The following TPX2 variants were observed in gnomAD, a reference collection of about 807,000 sequenced individuals.
The protein encoded by TPX2 is TPX2 microtubule nucleation factor.
TPX2 carries 21 observed loss-of-function variants against 93.6 expected under a neutral mutation model. The observed-to-expected ratio is 0.22, with a 90% CI of 0.16 to 0.32. The LOEUF is 0.32. TPX2 is among the 10% of genes least tolerant of loss of function. The probability of loss-of-function intolerance (pLI) is 1.00; values close to 1 mark genes in which losing one functional copy is unlikely to be tolerated. For missense variants in TPX2, 776 were observed against 871.1 expected (o/e 0.89, Z 1.37); for synonymous variants, 281 against 298.3 (o/e 0.94, Z 0.60).
chr20:31,742,552 A>G lies in TPX2; in HGVS notation c.-166A>G, dbSNP rs1269692159. ...TCTGCTTCTTCCAGGTTCTTGATACATATTTGCCAGACTTCAAGATTTCAG... is the reference window on the plus strand; with the variant it reads ...TCTGCTTCTTCCAGGTTCTTGATACGTATTTGCCAGACTTCAAGATTTCAG... On this transcript the variant is annotated 5_prime_UTR_variant, in exon 2 of 18. Transcript: ENST00000300403. 6.6e-6 allele frequency: 1 copy of G among 152,226 alleles called. No homozygotes were observed. The highest frequency in any genetic ancestry group is 6.5e-5 in the Admixed American group (1 of 15,282). 9.4% of individuals were successfully genotyped at this position (152,226 alleles called of 1,614,324 possible). A position where few individuals can be genotyped will look rare whatever the true frequency, so the allele number is the denominator to read the frequency against.
intron 10 of TPX2, among the ~76,000 whole-genome samples, 158 bp from the exon 11 acceptor site, chr20:31,782,091 A>C (rs1009140935): frequency 1.1e-4 from 16 of 152,218 alleles, no homozygotes; most frequent in Non-Finnish European, 2.1e-4. Flanking sequence ...GAAGTAACTG[A>C]ATGTTGGTTG....
intron 11 of TPX2, among the ~76,000 whole-genome samples, chr20:31,783,260 A>AT (rs372387940): frequency 6.6e-6 from 1 of 150,618 alleles, no homozygotes; most frequent in Admixed American, 6.6e-5. Flanking sequence ...TTATTTATTT[A>AT]TTTTTTTTGA....
At chr20:31,759,401 T>TG (rs1293505973) in intron 3 of TPX2, among the ~76,000 whole-genome samples, 61 of 144,558 alleles carry the variant, frequency 4.2e-4, no homozygotes, top group African/African-American at 1.5e-3. Flanking sequence ...CTTTCGTTTT[T>TG]TTTTTTTTTT....
At chr20:31,772,019 C>CTTTTTT (rs397866298) in intron 7 of TPX2, among the ~76,000 whole-genome samples, 8 of 125,258 alleles carry the variant, frequency 6.4e-5, no homozygotes, top group African/African-American at 2.2e-4. Context: ...GCCTGGCTAA[C>CTTTTTT]TTTTTTTTTT....
At chr20:31,752,831 G>A (rs954343412) in intron 2 of TPX2, among the ~76,000 whole-genome samples, 2 of 152,070 alleles carry the variant, frequency 1.3e-5, no homozygotes, top group African/African-American at 4.8e-5. Context: ...AGCCAGGATG[G>A]TCTCAATCTC....
chr20:31,794,262 CT>C, intron 14 of TPX2, 139 bp from the exon 15 acceptor site: 2 of 1,254,286 alleles, frequency 1.6e-6, no homozygotes, highest in Non-Finnish European at 2.2e-6. Flanking sequence ...CCTAGATTTC[CT>C]TTTGAACCCA....
chr20:31,752,379 G>C (rs1321201774), intron 2 of TPX2, among the ~76,000 whole-genome samples: 1 of 152,194 alleles, frequency 6.6e-6, no homozygotes, highest in East Asian at 1.9e-4. Context: ...GCTACCCCAA[G>C]CTTGGAAAGT....
chr20:31,770,185 A>G (rs938071177), intron 5 of TPX2, among the ~76,000 whole-genome samples, 158 bp from the exon 6 acceptor site: 2 of 152,224 alleles, frequency 1.3e-5, no homozygotes, highest in Non-Finnish European at 2.9e-5. Context: ...TTGAATTTCA[A>G]AAACTATCAA....
At chr20:31,791,958 C>A (rs1415781601) in intron 12 of TPX2, among the ~76,000 whole-genome samples, 1 of 152,174 alleles carries the variant, frequency 6.6e-6, no homozygotes, top group East Asian at 1.9e-4. Context: ...TGCTGTGGAA[C>A]AACTCTCTAA....
intron 12 of TPX2, among the ~76,000 whole-genome samples, chr20:31,784,343 T>C (rs2062052307): frequency 1.3e-5 from 2 of 152,230 alleles, no homozygotes; most frequent in South Asian, 4.1e-4. Context: ...CCTTTTCATA[T>C]ATTAGCCCAT....
At chr20:31,793,794 G>C in intron 13 of TPX2, 54 bp from the exon 14 acceptor site, 7 of 1,455,790 alleles carry the variant, frequency 4.8e-6, no homozygotes, top group Non-Finnish European at 6.4e-6. Context: ...CCACATTCTG[G>C]GGAAGTTGGA....
chr20:31,741,864 C>G (rs1311259281), intron 1 of TPX2, among the ~76,000 whole-genome samples: 1 of 152,080 alleles, frequency 6.6e-6, no homozygotes, highest in East Asian at 1.9e-4. Context: ...ATCCACCTGC[C>G]TCGGCCTCCC....
intron 11 of TPX2, among the ~76,000 whole-genome samples, chr20:31,782,734 C>CA (rs964106358): frequency 2.0e-5 from 3 of 150,722 alleles, no homozygotes; most frequent in Non-Finnish European, 3.0e-5. Flanking sequence ...CAACAAATAC[C>CA]AAAAAAAAAT....
At chr20:31,744,010 C>T (rs781599134) in intron 2 of TPX2, among the ~76,000 whole-genome samples, 13 of 151,540 alleles carry the variant, frequency 8.6e-5, no homozygotes, top group African/African-American at 2.9e-4. Flanking sequence ...CGTGAGCCAC[C>T]GTGCCTGGCC....
intron 2 of TPX2, among the ~76,000 whole-genome samples, chr20:31,743,263 A>G (rs2061764051): frequency 6.6e-6 from 1 of 152,152 alleles, no homozygotes; most frequent in African/African-American, 2.4e-5. Context: ...GATGTGTAGT[A>G]TTTGCATATA....
chr20:31,787,145 T>C (rs915616938), intron 12 of TPX2, among the ~76,000 whole-genome samples: 10 of 150,884 alleles, frequency 6.6e-5, no homozygotes, highest in African/African-American at 2.4e-4. Context: ...TTATGTCTGA[T>C]TACACTTCTA....
intron 2 of TPX2, among the ~76,000 whole-genome samples, chr20:31,751,834 C>G (rs1224967394): frequency 6.6e-6 from 1 of 152,222 alleles, no homozygotes; most frequent in Non-Finnish European, 1.5e-5. Flanking sequence ...CCTTCGCCTC[C>G]TGGGTTCAAG....
At chr20:31,773,143 A>ATTTTT (rs769516478) in intron 7 of TPX2, among the ~76,000 whole-genome samples, 60 of 102,336 alleles carry the variant, frequency 5.9e-4, no homozygotes, top group Non-Finnish European at 8.3e-4. Context: ...CACCCGGCTA[A>ATTTTT]TTTTTTTTTT....
Position 31,766,569 on chromosome 20 carries a change from C to T in TPX2, c.243C>T (p.Tyr81=). Reference sequence around the variant, plus strand: ...GGTCTTCCGCAGTTGACAACACTTACTACAAAGAGGCAGAAAAAGAAAATC... The same window carrying T: ...GGTCTTCCGCAGTTGACAACACTTATTACAAAGAGGCAGAAAAAGAAAATC... ...VTPLKPVDNT[Y]YKEAEKENLV... The change falls in exon 5 of 18, where the codon TAC becomes TAT. Residue 81 remains tyrosine (Y), a synonymous_variant. Coordinates refer to ENST00000300403, the MANE Select transcript of TPX2 (RefSeq NM_012112.5). 3 of 1,610,188 alleles carry T rather than the reference C, an allele frequency of 1.9e-6. No individual in the cohort carries two copies. Among genetic ancestry groups the T allele is most frequent in the Non-Finnish European group, 2.5e-6 (3 of 1,178,174 alleles).
Sources: gnomAD v4.1 joint callset for allele counts (sites outside exome capture counted in the v4.1 genomes callset) on GRCh38, gnomAD v4.1.1 for gene constraint, MANE v1.5 for transcripts, NCBI Gene and HGNC (gene_info 2026-07-23, HGNC 2026-07-21) for gene names.